NCOA2: variants seen among roughly 807,000 people sequenced by gnomAD.
The protein encoded by NCOA2 is class E basic helix-loop-helix protein 75.
A neutral mutation model predicts 145.1 loss-of-function variants in NCOA2; 21 were observed. The observed-to-expected ratio is 0.14, with a 90% CI of 0.10 to 0.21. The LOEUF (loss-of-function observed/expected upper bound fraction) is 0.21, where lower values mean the gene tolerates loss of function less well. Ranked by LOEUF, NCOA2 falls within the 10% of genes least tolerant of loss-of-function variation. NCOA2 has a pLI of 1.00. For missense variants in NCOA2, 1,472 were observed against 1,837.6 expected (o/e 0.80, Z 3.64); for synonymous variants, 619 against 637.5 (o/e 0.97, Z 0.44).
chr8:70,419,102 TAA>T, the NCOA2 span, among the ~76,000 whole-genome samples: 6 of 132,594 alleles, frequency 4.5e-5, no homozygotes, highest in Non-Finnish European at 8.3e-5. Flanking sequence ...TAGGATTTTA[TAA>T]AAAAAAAAAA....
intron 2 of NCOA2, among the ~76,000 whole-genome samples, chr8:70,226,970 C>A (rs1820708421): frequency 7.2e-6 from 1 of 138,870 alleles, no homozygotes; most frequent in African/African-American, 2.5e-5. Flanking sequence ...ACAGATTCCA[C>A]CAGGAAGAAT....
intron 1 of NCOA2, among the ~76,000 whole-genome samples, chr8:70,344,201 T>C (rs895996733): frequency 2.0e-5 from 3 of 152,254 alleles, no homozygotes; most frequent in African/African-American, 7.2e-5. Flanking sequence ...CCATCGACTC[T>C]CTACCTTGCT....
chr8:70,139,240 T>C (rs544436523), intron 14 of NCOA2, among the ~76,000 whole-genome samples: 1 of 152,348 alleles, frequency 6.6e-6, no homozygotes, highest in Non-Finnish European at 1.5e-5. Context: ...GTTGAATTAA[T>C]AGCTTTTGGA....
chr8:70,266,567 CCTT>C (rs1226745662), intron 2 of NCOA2, among the ~76,000 whole-genome samples: 1 of 152,096 alleles, frequency 6.6e-6, no homozygotes, highest in Non-Finnish European at 1.5e-5. Flanking sequence ...GGGCTTTGCT[CCTT>C]CTCACCTCTT....
intron 7 of NCOA2, among the ~76,000 whole-genome samples, chr8:70,165,067 A>G (rs945945389): frequency 6.6e-6 from 1 of 152,220 alleles, no homozygotes; most frequent in Non-Finnish European, 1.5e-5. Flanking sequence ...TTTTAAATGT[A>G]CAAAAAATGT....
At chr8:70,273,587 A>T in intron 2 of NCOA2, 1 of 762,314 alleles carries the variant, frequency 1.3e-6, no homozygotes. Flanking sequence ...TAACAACCCT[A>T]AAGCCCAGAC....
chr8:70,235,843 C>CA (rs1445036255), intron 2 of NCOA2, among the ~76,000 whole-genome samples: 1 of 152,070 alleles, frequency 6.6e-6, no homozygotes, highest in Non-Finnish European at 1.5e-5. Context: ...GACCTTGTCT[C>CA]AAAAAACAAA....
intron 1 of NCOA2, among the ~76,000 whole-genome samples, chr8:70,357,171 C>G (rs969475189): frequency 6.6e-6 from 1 of 152,160 alleles, no homozygotes; most frequent in Non-Finnish European, 1.5e-5. Context: ...ATGCCCTCCT[C>G]TACCAGGGTG....
At chr8:70,154,246 GCTT>G (rs997567253) in intron 11 of NCOA2, among the ~76,000 whole-genome samples, 8 of 152,118 alleles carry the variant, frequency 5.3e-5, no homozygotes, top group African/African-American at 1.9e-4. Context: ...AGCCCTCTTG[GCTT>G]CTTCACTTCT....
chr8:70,219,306 T>C (rs561416807), intron 2 of NCOA2, among the ~76,000 whole-genome samples: 34 of 152,362 alleles, frequency 2.2e-4, no homozygotes, highest in African/African-American at 8.2e-4. Flanking sequence ...CAAGTGGTTT[T>C]CCCTTTTATT....
At chr8:70,406,987 AT>A (rs1181644722), upstream of NCOA2, among the ~76,000 whole-genome samples, 1 of 152,220 alleles carries the variant, frequency 6.6e-6, no homozygotes, top group Non-Finnish European at 1.5e-5. Context: ...CATCTGTGTA[AT>A]TGTTGCAAGA....
chr8:70,385,602 A>G (rs971762969), intron 1 of NCOA2, among the ~76,000 whole-genome samples: 2 of 152,014 alleles, frequency 1.3e-5, no homozygotes, highest in Non-Finnish European at 2.9e-5. Context: ...AATTTTGTTA[A>G]TTTCTTGTAG....
chr8:70,310,802 A>C (rs1414003789), intron 1 of NCOA2, among the ~76,000 whole-genome samples: 1 of 152,208 alleles, frequency 6.6e-6, no homozygotes, highest in African/African-American at 2.4e-5. Context: ...TTATTAAAGC[A>C]TAGACAATTT....
chr8:70,419,757 T>C, the NCOA2 span, among the ~76,000 whole-genome samples: 1 of 152,206 alleles, frequency 6.6e-6, no homozygotes, highest in African/African-American at 2.4e-5. Flanking sequence ...GTTAATCAGT[T>C]TTGTCATTTT....
intron 1 of NCOA2, among the ~76,000 whole-genome samples, chr8:70,350,689 A>G (rs571939850): frequency 6.6e-6 from 1 of 152,340 alleles, no homozygotes; most frequent in Non-Finnish European, 1.5e-5. Flanking sequence ...AACATACTCC[A>G]TAATCCCCTA....
intron 2 of NCOA2, among the ~76,000 whole-genome samples, chr8:70,264,072 C>G (rs1334505152): frequency 1.3e-5 from 2 of 152,092 alleles, no homozygotes; most frequent in South Asian, 4.2e-4. Flanking sequence ...ATTAGCCAGA[C>G]GTGGTGGCTT....
At chr8:70,225,762 A>G (rs1158791132) in intron 2 of NCOA2, among the ~76,000 whole-genome samples, 1 of 152,148 alleles carries the variant, frequency 6.6e-6, no homozygotes, top group Non-Finnish European at 1.5e-5. Context: ...ACAACCATTA[A>G]TCATATGAAA....
the NCOA2 span, among the ~76,000 whole-genome samples, chr8:70,444,491 C>T: frequency 6.6e-6 from 1 of 152,150 alleles, no homozygotes; most frequent in Non-Finnish European, 1.5e-5. Flanking sequence ...ATACACACAC[C>T]CCTTCACACA....
intron 19 of NCOA2, 129 bp from the exon 20 acceptor site, chr8:70,124,994 C>T (rs1007809108): frequency 1.6e-6 from 1 of 638,352 alleles, no homozygotes; most frequent in Non-Finnish European, 2.4e-6. Context: ...TGATTGTGTA[C>T]TGATTAATTA....
Sources: gnomAD v4.1 joint callset for allele counts (sites outside exome capture counted in the v4.1 genomes callset) on GRCh38, gnomAD v4.1.1 for gene constraint, MANE v1.5 for transcripts, NCBI Gene and HGNC (gene_info 2026-07-23, HGNC 2026-07-21) for gene names.